CFAP74: variants seen among roughly 807,000 people sequenced by gnomAD.
The protein encoded by CFAP74 is cilia and flagella associated protein 74, also known as cilia- and flagella-associated protein 74.
CFAP74 carries 124 observed loss-of-function variants against 188.9 expected under a neutral mutation model. That is an observed-to-expected ratio of 0.66 (90% CI 0.57 to 0.76). The LOEUF (loss-of-function observed/expected upper bound fraction) is 0.76. Among genes scored for constraint, CFAP74 ranks in the 30% least tolerant of loss-of-function variants. CFAP74 has a pLI of 0.00. For missense variants in CFAP74, 2,198 were observed against 2,165.2 expected (o/e 1.02, Z -0.30); for synonymous variants, 956 against 916.7 (o/e 1.04, Z -0.77).
At position 1,972,959 on chromosome 1, in the gene CFAP74, A is replaced by C. The variant is rs757118212; in HGVS notation, c.763T>G (p.Phe255Val). The change falls in exon 8 of 39, where the codon TTC becomes GTC. Residue 255 changes from phenylalanine to valine, a missense_variant. Transcript: ENST00000682832. ...TACCTTCCCAGGGAGGCCTTCAGGA[A>C]CCGCACGGCAACCTTGTGGTTCTTC... is the stretch of plus-strand genomic sequence containing the variant. ...ARKNHKVAVR[F>V]LKASLGRIRE... 24 of 1,613,874 alleles carry C rather than the reference A, an allele frequency of 1.5e-5. No individual in the cohort carries two copies. The highest frequency in any genetic ancestry group is 1.9e-5 in the Non-Finnish European group (23 of 1,179,986).
At position 1,923,326 on chromosome 1, in the gene CFAP74, G is replaced by A. The variant is rs188186459; in HGVS notation, c.4522+41C>T. 6.0e-3 allele frequency: 9,150 copies of A among 1,533,422 alleles called. 43 individuals carry two copies. The highest frequency in any genetic ancestry group is 8.7e-3 in the Middle Eastern group (48 of 5,488). 95.0% of individuals were successfully genotyped at this position (1,533,422 alleles called of 1,614,324 possible). On this transcript the variant is annotated intron_variant, in intron 36 of 38. Transcript: ENST00000682832. The surrounding 1 kb of genome is among the most constrained non-coding windows in gnomAD (Gnocchi z 6.3). ...CCCCCATCCACGGGACAGGGGCACCGGGAGGCCCCGTGTCTGTTCCCTCCC... is the reference window on the plus strand; with the variant it reads ...CCCCCATCCACGGGACAGGGGCACCAGGAGGCCCCGTGTCTGTTCCCTCCC...
Position 1,974,180 on chromosome 1 carries a change from G to C in CFAP74, c.519C>G (p.Ile173Met), listed in dbSNP as rs267598251. The stretch of plus-strand genomic sequence containing the variant: ...CCTCGAGTCGCCCCTCCTGGATCTC[G>C]ATGTGCCACATGGTGTTCCTTCAAA... The part of the protein sequence containing the change: ...LKESENTMWH[I>M]EIQEGRLEAF... Residue 173 changes from isoleucine (I) to methionine (M), a missense_variant, in exon 7 of 39, where the codon ATC (isoleucine) becomes ATG (methionine). Coordinates refer to ENST00000682832, the MANE Select transcript of CFAP74 (RefSeq NM_001304360.2). The C allele has an allele frequency of 3.1e-6, 5 of 1,606,954 alleles. No homozygotes were observed. In the East Asian group the frequency reaches 1.1e-4, roughly 36 times the overall value.
intron 25 of CFAP74, among the ~76,000 whole-genome samples, chr1:1,934,192 G>A (rs950018875): frequency 6.6e-6 from 1 of 152,240 alleles, no homozygotes. Context: ...CTACATCTGT[G>A]CAAGTGTAGA....
intron 9 of CFAP74, among the ~76,000 whole-genome samples, chr1:1,971,239 ACATGCACACACTCACG>A (rs892045035): frequency 2.0e-5 from 3 of 149,524 alleles, no homozygotes; most frequent in East Asian, 4.8e-4. Context: ...GCCTGCACAC[ACATGCACACACTCACG>A]CATGCACACA....
chr1:1,974,286 A>G (rs914404880), intron 6 of CFAP74, 88 bp from the exon 7 acceptor site: 67 of 1,375,812 alleles, frequency 4.9e-5, no homozygotes, highest in Non-Finnish European at 6.5e-5. Flanking sequence ...CAAATCCTCC[A>G]GGCAGATGTT....
intron 17 of CFAP74, among the ~76,000 whole-genome samples, 165 bp downstream of exon 17, chr1:1,956,455 A>C (rs1246999518): frequency 1.3e-5 from 2 of 152,074 alleles, no homozygotes; most frequent in Non-Finnish European, 2.9e-5. Context: ...CCTACAGAAG[A>C]AGCTGGTCTC....
At position 1,924,456 on chromosome 1, in the gene CFAP74, C is replaced by G. The variant is rs754015831; in HGVS notation, c.4169G>C (p.Arg1390Pro). The G allele has an allele frequency of 4.4e-6, 7 of 1,590,740 alleles. No homozygotes were observed. The change falls in exon 34 of 39, where the codon CGG becomes CCG. Residue 1390 changes from arginine to proline, a missense_variant. Coordinates refer to ENST00000682832, the MANE Select transcript of CFAP74 (RefSeq NM_001304360.2). ...CGGCAGCTGCTGCTGGCCCCGGCCC[C>G]GGGTGCTGGAGAGGCTGTCCAGGTG... is the stretch of plus-strand genomic sequence containing the variant. ...SMHLDSLSSTRGRGQQQLPQF... is the reference protein window; with the variant it reads ...SMHLDSLSSTPGRGQQQLPQF...
Position 1,944,466 on chromosome 1 carries a change from C to T in CFAP74, c.2365-14G>A, listed in dbSNP as rs1653614529. The T allele has an allele frequency of 2.0e-6, 3 of 1,534,870 alleles. No individual in the cohort carries two copies. Among genetic ancestry groups the T allele is most frequent in the Non-Finnish European group, 1.7e-6 (2 of 1,145,930 alleles). On this transcript the variant is annotated splice_polypyrimidine_tract_variant and intron_variant, in intron 20 of 38. Coordinates refer to ENST00000682832, the MANE Select transcript of CFAP74 (RefSeq NM_001304360.2). The stretch of plus-strand genomic sequence containing the variant: ...CCTGAAATGCAGCTGCATATGGACA[C>T]AGGAGCTCAGCAACAGGAGTTCCTT...
At position 2,000,660 on chromosome 1, in the gene CFAP74, T is replaced by C. The variant is rs368265156; in HGVS notation, c.-20+3041A>G. On this transcript the variant is annotated intron_variant, in intron 1 of 38. Transcript: ENST00000682832. ...TAGCTTCTGCTAGTTCTGTGGCTTG[T>C]GGCAGCAAAATTCCAATCTTCATAG... 2.3e-4 allele frequency among the ~76,000 whole-genome samples: 35 copies of C among 152,334 alleles called. No homozygotes were observed. The South Asian group carries it at 7.3e-3, about 32-fold the overall frequency.
chr1:1,939,280 A>T (rs1289961320), intron 24 of CFAP74, among the ~76,000 whole-genome samples: 1 of 152,184 alleles, frequency 6.6e-6, no homozygotes, highest in East Asian at 1.9e-4. Flanking sequence ...AGCCCAGGGA[A>T]AGGTGAGGGG....
intron 25 of CFAP74, 55 bp downstream of exon 25, chr1:1,938,800 C>A: frequency 6.6e-7 from 1 of 1,517,942 alleles, no homozygotes; most frequent in Admixed American, 2.0e-5. Context: ...GAAGGGGGGC[C>A]CCTCCTGAGC....
rs757085590 is a variant in CFAP74, at chr1:1,988,651, C to G, written c.157G>C (p.Val53Leu). The G allele has an allele frequency of 1.4e-5, 22 of 1,607,668 alleles. No homozygotes were observed. Among genetic ancestry groups the G allele is most frequent in the Admixed American group, 3.3e-5 (2 of 60,018 alleles). ...TCAGCATCAGTATCTAGTTCTTTCA[C>G]TGAGCTTAGGATGAAAAGGACGTCA... ...DDVDPGHSSSVKELDTDADKL... is the reference protein window; with the variant it reads ...DDVDPGHSSSLKELDTDADKL... The change falls in exon 4 of 39, where the codon GTG becomes CTG. Residue 53 changes from valine to leucine, a missense_variant. Transcript: ENST00000682832.
At position 1,955,721 on chromosome 1, in the gene CFAP74, C is replaced by A; in HGVS notation, c.2146G>T (p.Asp716Tyr). 1 of 1,614,024 alleles carries A rather than the reference C, an allele frequency of 6.2e-7. No homozygotes were observed. The highest frequency in any genetic ancestry group is 8.5e-7 in the Non-Finnish European group (1 of 1,179,962). The change falls in exon 18 of 39, where the codon GAC becomes TAC. Residue 716 changes from aspartate (D) to tyrosine (Y), a missense_variant. Physicochemically the swap from Asp to Tyr is radical, Grantham distance 160 (BLOSUM62 -3). Transcript: ENST00000682832. ...MQSRKELEKL[D>Y]KEQEEEQPAE... is the part of the protein sequence containing the mutation. ...GGCTGCTCCTCCTCCTGCTCCTTGT[C>A]CAGCTTCTCCAGCTCCTTCCGGCTC...
intron 1 of CFAP74, among the ~76,000 whole-genome samples, chr1:1,992,052 A>AAAAAAAG (rs1657616998): frequency 6.6e-6 from 1 of 151,938 alleles, no homozygotes; most frequent in African/African-American, 2.4e-5. Context: ...AAAAAAAAAA[A>AAAAAAAG]TGCCTGAGAT....
At chr1:1,970,983 C>A (rs1352239471) in intron 9 of CFAP74, among the ~76,000 whole-genome samples, 167 bp from the exon 10 acceptor site, 4 of 150,682 alleles carry the variant, frequency 2.7e-5, no homozygotes, top group Admixed American at 6.6e-5. Flanking sequence ...CACCTGCACA[C>A]ACGTGCACAC....
At chr1:1,948,352 A>G (rs887617965) in intron 18 of CFAP74, among the ~76,000 whole-genome samples, 1 of 151,648 alleles carries the variant, frequency 6.6e-6, no homozygotes, top group Non-Finnish European at 1.5e-5. Context: ...TGCACCCTGC[A>G]GCCTCGGCCT....
chr1:1,975,824 C>T lies in CFAP74; in HGVS notation c.501-1626G>A, dbSNP rs58697689. 0.013 allele frequency among the ~76,000 whole-genome samples: 2,037 copies of T among 152,256 alleles called. 49 individuals are homozygous for T. The highest frequency in any genetic ancestry group is 0.046 in the African/African-American group (1,906 of 41,524). On this transcript the variant is annotated intron_variant, in intron 6 of 38. Transcript: ENST00000682832. The surrounding 1 kb of genome is among the most constrained non-coding windows in gnomAD (Gnocchi z 4.5). ...TCTGCTGGCTGTCACTTCCCCTGCC[C>T]GGTGATCAGTGCTCCAGTGGCCGTG...
At chr1:1,982,555 A>ACT (rs1656969563) in intron 6 of CFAP74, among the ~76,000 whole-genome samples, 2 of 152,244 alleles carry the variant, frequency 1.3e-5, no homozygotes. Flanking sequence ...AGCAGACCAG[A>ACT]GGTTGCCTGG....
At chr1:1,936,627 C>T (rs2803322) in intron 25 of CFAP74, among the ~76,000 whole-genome samples, 2 of 151,800 alleles carry the variant, frequency 1.3e-5, no homozygotes, top group Non-Finnish European at 2.9e-5. Context: ...AGGAGAGCCG[C>T]GCACAGTGGC....
Sources: allele counts gnomAD v4.1 joint callset (sites outside exome capture counted in the v4.1 genomes callset), GRCh38; gene constraint gnomAD v4.1.1; non-coding constraint Gnocchi (gnomAD v3.1); transcripts MANE v1.5; gene names NCBI Gene and HGNC (gene_info 2026-07-23, HGNC 2026-07-21).